CDK14: variants seen among roughly 807,000 people sequenced by gnomAD.
The protein encoded by CDK14 is cyclin dependent kinase 14, also known as cyclin-dependent kinase 14.
CDK14 carries 34 observed loss-of-function variants against 60.7 expected under a neutral mutation model. The ratio of observed to expected loss-of-function variants is 0.56; its 90% CI spans 0.43 to 0.75. The LOEUF is 0.75. Among genes scored for constraint, CDK14 ranks in the 30% least tolerant of loss-of-function variants. The pLI, the probability that CDK14 is intolerant of heterozygous loss-of-function variation, is 0.00. For synonymous variants in CDK14, 197 were observed against 203.7 expected, an observed-to-expected ratio of 0.97 and a Z score of 0.28; for missense variants, 482 against 564.1, an observed-to-expected ratio of 0.85 and a Z score of 1.47.
intron 14 of CDK14, among the ~76,000 whole-genome samples, chr7:91,155,817 T>C (rs1338815714): frequency 6.6e-6 from 1 of 152,206 alleles, no homozygotes; most frequent in African/African-American, 2.4e-5. Context: ...ATGAAATCAT[T>C]TTAAACAAAA....
intron 2 of CDK14, among the ~76,000 whole-genome samples, chr7:90,701,624 A>G (rs1801788886): frequency 6.6e-6 from 1 of 152,184 alleles, no homozygotes; most frequent in African/African-American, 2.4e-5. Flanking sequence ...TTAGTGGTTC[A>G]CAGTAGCTCC....
chr7:91,199,536 A>G (rs1802652372), intron 14 of CDK14, among the ~76,000 whole-genome samples: 1 of 152,206 alleles, frequency 6.6e-6, no homozygotes, highest in Non-Finnish European at 1.5e-5. Context: ...AAAATAGAAC[A>G]TTCTTTTCAA....
chr7:90,774,037 G>A (rs919506976), intron 4 of CDK14, among the ~76,000 whole-genome samples: 3 of 151,384 alleles, frequency 2.0e-5, no homozygotes, highest in Non-Finnish European at 4.4e-5. Context: ...CAGAGTAGCT[G>A]GAATTACAGG....
chr7:91,147,162 T>TCTCTCTCTCTCTCACA (rs1438870514), intron 14 of CDK14, among the ~76,000 whole-genome samples: 76 of 124,742 alleles, frequency 6.1e-4, no homozygotes, highest in African/African-American at 2.4e-3. Context: ...TCTCTCTCTC[T>TCTCTCTCTCTCTCACA]CACACACACA....
chr7:90,652,576 A>G (rs561513510), intron 2 of CDK14, among the ~76,000 whole-genome samples: 1 of 152,322 alleles, frequency 6.6e-6, no homozygotes. Flanking sequence ...GGATATAGAA[A>G]AGATACATTA....
intron 14 of CDK14, among the ~76,000 whole-genome samples, chr7:91,196,240 TA>T (rs1802536539): frequency 6.6e-6 from 1 of 152,196 alleles, no homozygotes; most frequent in Non-Finnish European, 1.5e-5. Flanking sequence ...CGTTTGTCTA[TA>T]TCCTGTCGTG....
chr7:91,173,793 C>A (rs912631384), intron 14 of CDK14, among the ~76,000 whole-genome samples: 1 of 152,210 alleles, frequency 6.6e-6, no homozygotes, highest in African/African-American at 2.4e-5. Context: ...CCGCACCTGG[C>A]TCGGAGGGTC....
chr7:91,113,358 G>A (rs1049644477), intron 13 of CDK14, among the ~76,000 whole-genome samples: 5 of 152,124 alleles, frequency 3.3e-5, no homozygotes, highest in African/African-American at 1.2e-4. Flanking sequence ...ATTCCTGGGT[G>A]GGTTTTGTTT....
At chr7:90,841,627 T>C (rs914623611) in intron 5 of CDK14, among the ~76,000 whole-genome samples, 1 of 148,464 alleles carries the variant, frequency 6.7e-6, no homozygotes, top group African/African-American at 2.5e-5. Context: ...AAGTTTCTGA[T>C]AATAATGATA....
At chr7:91,171,686 G>A (rs544299503) in intron 14 of CDK14, among the ~76,000 whole-genome samples, 25 of 151,974 alleles carry the variant, frequency 1.6e-4, no homozygotes, top group Non-Finnish European at 8.8e-5. Context: ...TCACTCTGTC[G>A]CCGAGGCTGG....
chr7:90,636,139 C>T (rs1162416184), intron 2 of CDK14, among the ~76,000 whole-genome samples: 1 of 150,872 alleles, frequency 6.6e-6, no homozygotes, highest in Non-Finnish European at 1.5e-5. Context: ...CTTCTCCTGC[C>T]TAATTGCCCT....
intron 5 of CDK14, among the ~76,000 whole-genome samples, chr7:90,820,870 A>G (rs147662405): frequency 7.8e-4 from 118 of 152,224 alleles, no homozygotes; most frequent in Non-Finnish European, 1.4e-3. Context: ...ACGTATCCCA[A>G]TTGCCTTCAG....
intron 5 of CDK14, among the ~76,000 whole-genome samples, chr7:90,838,666 A>G (rs1396742638): frequency 1.3e-5 from 2 of 152,130 alleles, no homozygotes; most frequent in Non-Finnish European, 2.9e-5. Flanking sequence ...TATGCAGTTG[A>G]GATAAGGGAT....
chr7:91,037,886 A>G (rs1796979198), intron 10 of CDK14, among the ~76,000 whole-genome samples: 1 of 152,224 alleles, frequency 6.6e-6, no homozygotes, highest in Non-Finnish European at 1.5e-5. Flanking sequence ...AATTTTTTGT[A>G]GAAATTTGAA....
Position 90,968,219 on chromosome 7 carries a change from T to G in CDK14, c.947+12402T>G, listed in dbSNP as rs1415421462. On this transcript the variant is annotated intron_variant, in intron 9 of 14. Coordinates refer to ENST00000380050, the MANE Select transcript of CDK14 (RefSeq NM_001287135.2). Reference sequence around the variant, plus strand: ...ATGTTTGTGGGTTTTTAAAAAAAATTTATTCTTCAAATGTTGTATCCTTAG... The same window carrying G: ...ATGTTTGTGGGTTTTTAAAAAAAATGTATTCTTCAAATGTTGTATCCTTAG... 2.6e-5 allele frequency among the ~76,000 whole-genome samples: 4 copies of G among 152,308 alleles called. No homozygotes were observed. The East Asian group carries it at 7.7e-4, about 29-fold the overall frequency.
At chr7:91,118,039 A>G (rs1472466693) in intron 13 of CDK14, 26 bp from the exon 14 acceptor site, 1 of 1,330,190 alleles carries the variant, frequency 7.5e-7, no homozygotes, top group Admixed American at 1.9e-5. Context: ...AACTATATAA[A>G]TGAAAACTTC....
At chr7:90,941,284 A>C (rs1793924704) in intron 8 of CDK14, among the ~76,000 whole-genome samples, 1 of 152,188 alleles carries the variant, frequency 6.6e-6, no homozygotes. Flanking sequence ...ATTCTATCAC[A>C]TGGACCTCCT....
chr7:91,016,198 C>A (rs10953031), intron 10 of CDK14, among the ~76,000 whole-genome samples: 1 of 152,102 alleles, frequency 6.6e-6, no homozygotes, highest in Non-Finnish European at 1.5e-5. Flanking sequence ...GCACTTCTTC[C>A]ATTATGAATT....
chr7:90,750,691 G>C (rs1350698606), intron 4 of CDK14, among the ~76,000 whole-genome samples: 1 of 152,070 alleles, frequency 6.6e-6, no homozygotes, highest in African/African-American at 2.4e-5. Context: ...TGGCCAATAT[G>C]ATGAAACCCC....
Sources: gnomAD v4.1 joint callset for allele counts (sites outside exome capture counted in the v4.1 genomes callset) on GRCh38, gnomAD v4.1.1 for gene constraint, MANE v1.5 for transcripts, NCBI Gene and HGNC (gene_info 2026-07-23, HGNC 2026-07-21) for gene names.